Variants in GOLPH3 observed in about 807,000 individuals in gnomAD.
GOLPH3 encodes the protein coat protein GPP34.
In GOLPH3, 14 loss-of-function variants were observed where a neutral mutation model predicts 28.5. The ratio of observed to expected loss-of-function variants is 0.49; its 90% confidence interval spans 0.32 to 0.77. The LOEUF is 0.77. GOLPH3 is among the 30% of genes least tolerant of loss of function. The pLI, the probability that GOLPH3 is intolerant of heterozygous loss-of-function variation, is 0.03. For missense variants in GOLPH3, 350 were observed against 393.7 expected, an observed-to-expected ratio of 0.89 and a Z score of 0.94; for synonymous variants, 158 against 159.2, an observed-to-expected ratio of 0.99 and a Z score of 0.06.
intron 3 of GOLPH3, among the ~76,000 whole-genome samples, chr5:32,129,098 C>T (rs1320767994): frequency 1.3e-5 from 2 of 152,008 alleles, no homozygotes; most frequent in Non-Finnish European, 2.9e-5. Flanking sequence ...AGGAGAATCG[C>T]TTGAACCCGG....
chr5:32,136,242 G>A (rs866411191), intron 2 of GOLPH3, among the ~76,000 whole-genome samples: 60 of 152,256 alleles, frequency 3.9e-4, no homozygotes, highest in African/African-American at 1.3e-3. Context: ...CACCTTGGGA[G>A]GCCGAGGCGG....
chr5:32,163,810 A>C (rs1321474655), intron 1 of GOLPH3, among the ~76,000 whole-genome samples: 1 of 152,204 alleles, frequency 6.6e-6, no homozygotes, highest in Admixed American at 6.5e-5. Context: ...AACATGGTAT[A>C]GACAAAAATT....
At chr5:32,151,317 G>A (rs1353232759) in intron 1 of GOLPH3, among the ~76,000 whole-genome samples, 2 of 151,794 alleles carry the variant, frequency 1.3e-5, no homozygotes, top group Non-Finnish European at 2.9e-5. Context: ...ACCTAGGCCA[G>A]GAGTTTCAGA....
intron 2 of GOLPH3, among the ~76,000 whole-genome samples, chr5:32,136,963 T>G (rs961712087): frequency 6.6e-6 from 1 of 152,148 alleles, no homozygotes; most frequent in African/African-American, 2.4e-5. Context: ...TTGGTTTCTT[T>G]TTTTTCTTTT....
At chr5:32,144,257 G>A (rs1187320279) in intron 1 of GOLPH3, among the ~76,000 whole-genome samples, 1 of 152,212 alleles carries the variant, frequency 6.6e-6, no homozygotes, top group Non-Finnish European at 1.5e-5. Context: ...CTCAGGCAAA[G>A]ACAACCTAGC....
At chr5:32,153,642 T>C (rs1023696258) in intron 1 of GOLPH3, among the ~76,000 whole-genome samples, 8 of 152,196 alleles carry the variant, frequency 5.3e-5, no homozygotes, top group Admixed American at 6.5e-5. Context: ...ATGCAAATAT[T>C]TGAAGAACCA....
chr5:32,174,273 A>C lies in GOLPH3; in HGVS notation c.-239T>G, dbSNP rs1036531188. 3 of 348,682 alleles carry C rather than the reference A, an allele frequency of 8.6e-6. No homozygotes were observed. Among genetic ancestry groups the C allele is most frequent in the East Asian group, 4.3e-5 (1 of 23,278 alleles). 21.6% of individuals were successfully genotyped at this position (348,682 alleles called of 1,614,324 possible). A position where few individuals can be genotyped will look rare whatever the true frequency, so the allele number is the denominator to read the frequency against. On this transcript the variant is annotated 5_prime_UTR_variant, in exon 1 of 4. Coordinates refer to ENST00000265070, the MANE Select transcript of GOLPH3 (RefSeq NM_022130.4). ...CCTGCCTGTGGCCGCAGTCCCCGAAACACCCCGAGCTCCAAGGCGGAGGCG... is the reference window on the plus strand; with the variant it reads ...CCTGCCTGTGGCCGCAGTCCCCGAACCACCCCGAGCTCCAAGGCGGAGGCG...
rs112759440 is a variant in GOLPH3, at chr5:32,147,437, A to AT, written c.226-3558_226-3557insA. The stretch of plus-strand genomic sequence containing the variant: ...GACAGAGCAAGACTTCATCTCAAAC[A>AT]AAAAAAAAAAGAAAAGAAATCCTGG... On this transcript the variant is annotated intron_variant, in intron 1 of 3. Coordinates refer to ENST00000265070, the MANE Select transcript of GOLPH3 (RefSeq NM_022130.4). Among the ~76,000 whole-genome samples, 14 of 134,034 alleles carry AT rather than the reference A, an allele frequency of 1.0e-4. No individual in the cohort carries two copies. The East Asian group carries it at 3.9e-3, about 38-fold the overall frequency. 87.9% of individuals were successfully genotyped at this position (134,034 alleles called of 152,430 possible).
In GOLPH3 at chr5:32,131,920, G is replaced by A. The variant is rs1581537215; in HGVS notation, c.472+3652C>T. Among the ~76,000 whole-genome samples, 4 of 152,308 alleles carry A rather than the reference G, an allele frequency of 2.6e-5. No individual in the cohort carries two copies. In the South Asian group the frequency reaches 8.3e-4, roughly 32 times the overall value. On this transcript the variant is annotated intron_variant, in intron 3 of 3. Coordinates refer to ENST00000265070, the MANE Select transcript of GOLPH3 (RefSeq NM_022130.4). ...ACCAAACTGATCAACCATGCCTTAA[G>A]ATTTCAGAAGCTAAAAACTATTCTT...
intron 2 of GOLPH3, among the ~76,000 whole-genome samples, chr5:32,142,213 G>A (rs1401265769): frequency 1.3e-5 from 2 of 151,622 alleles, no homozygotes; most frequent in African/African-American, 2.4e-5. Context: ...GTCTCTGCCC[G>A]GCCGCCCATC....
intron 1 of GOLPH3, among the ~76,000 whole-genome samples, chr5:32,165,701 G>C (rs897754911): frequency 2.0e-5 from 3 of 152,212 alleles, no homozygotes; most frequent in African/African-American, 7.2e-5. Context: ...GTTCTTCAGT[G>C]AATTTGTACT....
rs1213577381 is a variant in GOLPH3 at position 32,135,553 on chromosome 5, T to A, written c.472+19A>T. On this transcript the variant is annotated intron_variant, in intron 3 of 3. Transcript: ENST00000265070. ...CTTTTAAACAGAAGTTGGTTTTTGG[T>A]TTATTCACAGCAGCTTACCACTAAG... 6 of 1,486,836 alleles carry A rather than the reference T, an allele frequency of 4.0e-6. No individual in the cohort carries two copies. Among genetic ancestry groups the A allele is most frequent in the African/African-American group, 1.4e-5 (1 of 72,106 alleles). The allele number at this position is 1,486,836 out of a possible 1,614,324, so 92.1% of individuals were successfully genotyped here. A position where few individuals can be genotyped will look rare whatever the true frequency, so the allele number is the denominator to read the frequency against.
intron 1 of GOLPH3, among the ~76,000 whole-genome samples, chr5:32,157,220 C>T (rs928760667): frequency 1.3e-5 from 2 of 152,140 alleles, no homozygotes; most frequent in African/African-American, 4.8e-5. Context: ...AAATCCAACT[C>T]GGAAATTCAA....
intron 3 of GOLPH3, among the ~76,000 whole-genome samples, chr5:32,128,026 A>G (rs1419208649): frequency 6.6e-6 from 1 of 152,078 alleles, no homozygotes; most frequent in African/African-American, 2.4e-5. Flanking sequence ...AGGGTAGCTA[A>G]GGCAGCTGCA....
chr5:32,133,979 T>G (rs116265986), intron 3 of GOLPH3, among the ~76,000 whole-genome samples: 86 of 152,306 alleles, frequency 5.6e-4, no homozygotes, highest in African/African-American at 2.0e-3. Context: ...TTTACGTTCT[T>G]ACCAATAAGA....
At chr5:32,159,280 A>G (rs1489505501) in intron 1 of GOLPH3, among the ~76,000 whole-genome samples, 2 of 152,244 alleles carry the variant, frequency 1.3e-5, no homozygotes, top group East Asian at 1.9e-4. Flanking sequence ...ACCTAAGTCT[A>G]AATACAAAAT....
chr5:32,142,330 A>G (rs1246422670), intron 2 of GOLPH3, among the ~76,000 whole-genome samples: 1 of 134,682 alleles, frequency 7.4e-6, no homozygotes, highest in South Asian at 2.6e-4. Flanking sequence ...CTGCCTGGCA[A>G]CCGCCCCGTC....
chr5:32,168,898 G>A (rs1287008751), intron 1 of GOLPH3, among the ~76,000 whole-genome samples: 5 of 151,798 alleles, frequency 3.3e-5, no homozygotes, highest in Non-Finnish European at 7.4e-5. Flanking sequence ...GTTCGAGGCT[G>A]CAGTGAGCTA....
rs1745667772 is a variant in GOLPH3 at position 32,125,959 on chromosome 5, G to GT, written c.*252dup. On this transcript the variant is annotated 3_prime_UTR_variant, in exon 4 of 4. Transcript: ENST00000265070. ...AAAGTAGACCAGAAACCCAAAACAG[G>GT]TAACAGTGAGGATGGCAACAGGGAA... 2.4e-6 allele frequency: 1 copy of GT among 412,256 alleles called. No homozygotes were observed. The highest frequency in any genetic ancestry group is 2.1e-5 in the African/African-American group (1 of 48,728). 25.5% of individuals were successfully genotyped at this position (412,256 alleles called of 1,614,324 possible). A position where few individuals can be genotyped will look rare whatever the true frequency, so the allele number is the denominator to read the frequency against.
Sources: allele counts gnomAD v4.1 joint callset (sites outside exome capture counted in the v4.1 genomes callset), GRCh38; gene constraint gnomAD v4.1.1; transcripts MANE v1.5; gene names NCBI Gene and HGNC (gene_info 2026-07-23, HGNC 2026-07-21).